Variants in PTK2B observed in about 807,000 individuals in gnomAD.
PTK2B encodes the protein protein-tyrosine kinase 2-beta.
Under a neutral mutation model 142.9 loss-of-function variants are expected in PTK2B, and 71 were observed. That is an observed-to-expected ratio of 0.50 (90% CI 0.41 to 0.61). The LOEUF (loss-of-function observed/expected upper bound fraction) is 0.61, where lower values mean the gene tolerates loss of function less well. Among genes scored for constraint, PTK2B ranks in the 20% least tolerant of loss-of-function variants. The probability of loss-of-function intolerance (pLI) is 0.00; values close to 1 mark genes in which losing one functional copy is unlikely to be tolerated. For missense variants in PTK2B, 1,105 were observed against 1,320.4 expected (o/e 0.84, Z 2.53); for synonymous variants, 519 against 503.4 (o/e 1.03, Z -0.42).
chr8:27,423,118 T>A (rs973012191), intron 5 of PTK2B, among the ~76,000 whole-genome samples: 2 of 152,106 alleles, frequency 1.3e-5, no homozygotes, highest in South Asian at 2.1e-4. Context: ...GAAGACACCA[T>A]TGAGACAATG....
intron 1 of PTK2B, among the ~76,000 whole-genome samples, chr8:27,383,273 G>A (rs1414428896): frequency 6.6e-6 from 1 of 152,030 alleles, no homozygotes; most frequent in Non-Finnish European, 1.5e-5. Context: ...CCGAGATGGA[G>A]TCTTGTTCTG....
At chr8:27,377,929 ATT>A (rs1453460759) in intron 1 of PTK2B, among the ~76,000 whole-genome samples, 1 of 152,100 alleles carries the variant, frequency 6.6e-6, no homozygotes, top group African/African-American at 2.4e-5. Flanking sequence ...TCCTCAAGGG[ATT>A]ACTTGAAAGC....
chr8:27,435,854 G>A (rs1810743746), intron 14 of PTK2B, 61 bp downstream of exon 14: 1 of 1,538,176 alleles, frequency 6.5e-7, no homozygotes, highest in Admixed American at 1.7e-5. Flanking sequence ...ACATGGCAAG[G>A]ACTCTGGTGA....
chr8:27,323,314 ATAGACCTGAGT>A (rs1803265453), upstream of PTK2B: 1 of 152,268 alleles, frequency 6.6e-6, no homozygotes. Flanking sequence ...AGCCAGGGTT[ATAGACCTGAGT>A]TTGGGGTAAG....
intron 21 of PTK2B, 123 bp from the exon 22 acceptor site, chr8:27,442,752 C>A: frequency 1.3e-6 from 1 of 754,092 alleles, no homozygotes; most frequent in Non-Finnish European, 2.2e-6. Flanking sequence ...AAGATCGAAA[C>A]GGAAATGGGA....
intron 1 of PTK2B, among the ~76,000 whole-genome samples, chr8:27,382,070 C>A (rs1807060847): frequency 6.6e-6 from 1 of 152,138 alleles, no homozygotes; most frequent in African/African-American, 2.4e-5. Context: ...GTGCCTCGGC[C>A]ATTGGAGTAG....
intron 1 of PTK2B, among the ~76,000 whole-genome samples, chr8:27,378,601 CTGTGTGTGTGTGTGTGTGTGTGTGTG>C (rs58485965): frequency 0.019 from 2,774 of 148,282 alleles, 107 homozygotes; most frequent in African/African-American, 0.064. Context: ...TACAGCTTAT[CTGTGTGTGTGTGTGTGTGTGTGTGTG>C]TGTGTGTGTG....
At chr8:27,378,043 C>T (rs1397207955) in intron 1 of PTK2B, among the ~76,000 whole-genome samples, 1 of 152,194 alleles carries the variant, frequency 6.6e-6, no homozygotes, top group Non-Finnish European at 1.5e-5. Context: ...TCTGACATTC[C>T]CTTTAGCTTT....
chr8:27,312,768 A>G (rs1391211161), intron 2 of PTK2B, among the ~76,000 whole-genome samples: 2 of 152,176 alleles, frequency 1.3e-5, no homozygotes, highest in Non-Finnish European at 2.9e-5. Flanking sequence ...AAACCTTAAA[A>G]TATTACTCTT....
chr8:27,458,503 A>C lies in PTK2B; in HGVS notation c.3024A>C (p.Ala1008=). Residue 1008 remains alanine, a synonymous_variant, in exon 31 of 31, where the codon GCA becomes GCC. Coordinates refer to ENST00000346049, the MANE Select transcript of PTK2B (RefSeq NM_173176.3). Reference sequence around the variant, plus strand: ...TGGCCAATCTGGCCCACCCACCTGCAGAGTGACGGAGGGTGGGGGCCACCT... The same window carrying C: ...TGGCCAATCTGGCCCACCCACCTGCCGAGTGACGGAGGGTGGGGGCCACCT... ...KVLANLAHPP[A]E is the part of the protein sequence containing the mutation. 6.4e-7 allele frequency: 1 copy of C among 1,566,938 alleles called. No individual in the cohort carries two copies. The highest frequency in any genetic ancestry group is 8.6e-7 in the Non-Finnish European group (1 of 1,156,766).
chr8:27,412,373 T>A (rs1809122718), intron 2 of PTK2B, among the ~76,000 whole-genome samples: 25 of 152,132 alleles, frequency 1.6e-4, no homozygotes, highest in Admixed American at 1.6e-3. Flanking sequence ...TCAGGTGTAG[T>A]CTGAGGAACC....
intron 2 of PTK2B, among the ~76,000 whole-genome samples, chr8:27,418,001 G>A (rs750536): frequency 0.43 from 64,756 of 151,828 alleles, 14,248 homozygotes; most frequent in South Asian, 0.53. Flanking sequence ...TAACTTCACG[G>A]GCTTGCACTC....
rs1307876268 is a variant in PTK2B, at chr8:27,422,532, AG to A, written c.551+153del. On this transcript the variant is annotated intron_variant, in intron 5 of 30. Transcript: ENST00000346049. Reference sequence around the variant, plus strand: ...GTGACCGGCAGCAGGTGAGGCTCTGAGGGGCTGGGTGTTGGGTCTTCAGGAT... The same window carrying A: ...GTGACCGGCAGCAGGTGAGGCTCTGAGGGCTGGGTGTTGGGTCTTCAGGAT... 43 of 719,556 alleles carry A rather than the reference AG, an allele frequency of 6.0e-5. 1 individual carries two copies. The highest frequency in any genetic ancestry group is 9.2e-5 in the Non-Finnish European group (43 of 465,382). 44.6% of individuals were successfully genotyped at this position (719,556 alleles called of 1,614,324 possible).
At chr8:27,313,819 G>T (rs752170958) in intron 3 of PTK2B, among the ~76,000 whole-genome samples, 19 of 152,124 alleles carry the variant, frequency 1.2e-4, no homozygotes, top group Non-Finnish European at 2.1e-4. Context: ...TATCTGTTTG[G>T]GAAATTGCCT....
At position 27,422,719 on chromosome 8, in the gene PTK2B, C is replaced by T. The variant is rs980929007; in HGVS notation, c.551+336C>T. Among the ~76,000 whole-genome samples the T allele has an allele frequency of 2.6e-5, 4 of 152,228 alleles. No individual in the cohort carries two copies. The East Asian group carries it at 7.7e-4, about 29-fold the overall frequency. Reference sequence around the variant, plus strand: ...TGTTTCTTGAGCACCAGACTAGAATCTGGGGGACATTCGAGCCTAGAGATG... The same window carrying T: ...TGTTTCTTGAGCACCAGACTAGAATTTGGGGGACATTCGAGCCTAGAGATG... On this transcript the variant is annotated intron_variant, in intron 5 of 30. Coordinates refer to ENST00000346049, the MANE Select transcript of PTK2B (RefSeq NM_173176.3).
chr8:27,315,113 A>G (rs556059380), intron 3 of PTK2B, among the ~76,000 whole-genome samples: 1 of 152,290 alleles, frequency 6.6e-6, no homozygotes, highest in South Asian at 2.1e-4. Context: ...TTTCCTCAGC[A>G]TAGTCCTTTC....
At chr8:27,435,854 G>T in intron 14 of PTK2B, 61 bp downstream of exon 14, 1 of 1,538,176 alleles carries the variant, frequency 6.5e-7, no homozygotes, top group Non-Finnish European at 9.0e-7. Context: ...ACATGGCAAG[G>T]ACTCTGGTGA....
rs929712695 is a variant in PTK2B at position 27,431,089 on chromosome 8, G to A, written c.810+73G>A. 7.7e-6 allele frequency: 12 copies of A among 1,552,806 alleles called. No individual in the cohort carries two copies. The African/African-American group carries it at 8.2e-5, about 11-fold the overall frequency. ...TCTCGGAAAAGGGGGCCAGGAGGGGGCAGGGAGAGGCTGCAATCGCTGCAG... is the reference window on the plus strand; with the variant it reads ...TCTCGGAAAAGGGGGCCAGGAGGGGACAGGGAGAGGCTGCAATCGCTGCAG... On this transcript the variant is annotated intron_variant, in intron 8 of 30. Coordinates refer to ENST00000346049, the MANE Select transcript of PTK2B (RefSeq NM_173176.3).
At chr8:27,400,284 A>G (rs1044422725) in intron 2 of PTK2B, among the ~76,000 whole-genome samples, 1 of 152,204 alleles carries the variant, frequency 6.6e-6, no homozygotes, top group Non-Finnish European at 1.5e-5. Context: ...ATAGGCTGAT[A>G]TGCCTGGTAA....
Sources: allele counts gnomAD v4.1 joint callset (sites outside exome capture counted in the v4.1 genomes callset), GRCh38; gene constraint gnomAD v4.1.1; transcripts MANE v1.5; gene names NCBI Gene and HGNC (gene_info 2026-07-23, HGNC 2026-07-21).